COX7B2: variants seen among roughly 807,000 people sequenced by gnomAD.
COX7B2 encodes the protein cytochrome c oxidase subunit 7B2.
For synonymous variants in COX7B2, 37 were observed against 32.1 expected, an observed-to-expected ratio of 1.15 and a Z score of -0.51; for missense variants, 109 against 95.9, an observed-to-expected ratio of 1.14 and a Z score of -0.57.
chr4:46,782,827 A>G (rs1717554098), intron 2 of COX7B2, among the ~76,000 whole-genome samples: 1 of 152,214 alleles, frequency 6.6e-6, no homozygotes, highest in Non-Finnish European at 1.5e-5. Flanking sequence ...CAGCGAGACC[A>G]CGAACCCACC....
At chr4:46,799,612 A>G (rs1009578369) in intron 2 of COX7B2, among the ~76,000 whole-genome samples, 1 of 152,154 alleles carries the variant, frequency 6.6e-6, no homozygotes, top group Non-Finnish European at 1.5e-5. Context: ...TATGGAGATA[A>G]TTAGATGGTT....
intron 2 of COX7B2, 90 bp from the exon 3 acceptor site, chr4:46,735,331 G>A: frequency 6.4e-6 from 6 of 943,704 alleles, no homozygotes; most frequent in Non-Finnish European, 9.7e-6. Context: ...CCTTGGAGTG[G>A]TGTTCAGGAA....
intron 2 of COX7B2, among the ~76,000 whole-genome samples, chr4:46,806,192 C>T (rs1477674136): frequency 6.6e-6 from 1 of 151,796 alleles, no homozygotes; most frequent in East Asian, 1.9e-4. Flanking sequence ...AATCTTCTTC[C>T]TTTTATTAAT....
At chr4:46,862,436 G>T (rs1717391722) in intron 1 of COX7B2, among the ~76,000 whole-genome samples, 1 of 152,186 alleles carries the variant, frequency 6.6e-6, no homozygotes, top group South Asian at 2.1e-4. Context: ...CACATATTTA[G>T]ATATGTTTAT....
intron 2 of COX7B2, among the ~76,000 whole-genome samples, chr4:46,761,692 A>C (rs1716154014): frequency 6.6e-6 from 1 of 152,100 alleles, no homozygotes; most frequent in Admixed American, 6.6e-5. Context: ...TGCTCCAGGG[A>C]AATATAGATC....
chr4:46,799,552 G>C (rs1285138539), intron 2 of COX7B2, among the ~76,000 whole-genome samples: 2 of 152,116 alleles, frequency 1.3e-5, no homozygotes, highest in African/African-American at 4.8e-5. Context: ...TTTGTTGAGA[G>C]TTTATAATAT....
At chr4:46,805,466 C>T (rs923649451) in intron 2 of COX7B2, among the ~76,000 whole-genome samples, 3 of 152,222 alleles carry the variant, frequency 2.0e-5, no homozygotes, top group Admixed American at 6.5e-5. Flanking sequence ...CATCCATTAT[C>T]TTGTTTTATC....
intron 2 of COX7B2, among the ~76,000 whole-genome samples, chr4:46,843,727 G>C (rs28418541): frequency 0.37 from 56,861 of 151,822 alleles, 10,764 homozygotes; most frequent in South Asian, 0.49. Context: ...ATGGTTAAAT[G>C]AAGATAATAT....
chr4:46,742,118 C>A (rs1483164694), intron 2 of COX7B2, among the ~76,000 whole-genome samples: 1 of 151,954 alleles, frequency 6.6e-6, no homozygotes, highest in Non-Finnish European at 1.5e-5. Flanking sequence ...ATAGGGACCC[C>A]CTGGGAATAA....
intron 1 of COX7B2, among the ~76,000 whole-genome samples, chr4:46,903,322 G>A (rs566674854): frequency 6.6e-6 from 1 of 152,234 alleles, no homozygotes; most frequent in South Asian, 2.1e-4. Flanking sequence ...TTAATACTTG[G>A]AATGGGCATA....
At chr4:46,820,348 G>T (rs1714185960) in intron 2 of COX7B2, among the ~76,000 whole-genome samples, 1 of 152,096 alleles carries the variant, frequency 6.6e-6, no homozygotes, top group Non-Finnish European at 1.5e-5. Flanking sequence ...GACGGGAGGT[G>T]GAACTCAGGC....
intron 2 of COX7B2, among the ~76,000 whole-genome samples, chr4:46,798,771 C>A (rs888206305): frequency 1.3e-5 from 2 of 152,084 alleles, no homozygotes; most frequent in African/African-American, 2.4e-5. Context: ...TATCATCCAA[C>A]AGAAGTGATA....
intron 2 of COX7B2, among the ~76,000 whole-genome samples, chr4:46,789,103 G>C (rs1717901019): frequency 6.6e-6 from 1 of 152,132 alleles, no homozygotes; most frequent in Non-Finnish European, 1.5e-5. Flanking sequence ...TTGAGGTTTA[G>C]TTACGAAAAC....
intron 2 of COX7B2, among the ~76,000 whole-genome samples, chr4:46,808,463 G>A (rs545274768): frequency 5.3e-5 from 8 of 151,728 alleles, no homozygotes; most frequent in Admixed American, 2.6e-4. Context: ...ATTATATCAT[G>A]GGCAAATAGA....
At chr4:46,750,878 G>A (rs1214653557) in intron 2 of COX7B2, among the ~76,000 whole-genome samples, 1 of 152,034 alleles carries the variant, frequency 6.6e-6, no homozygotes, top group Non-Finnish European at 1.5e-5. Context: ...TTTCAGATTA[G>A]GGATGCACCC....
At chr4:46,905,528 T>G (rs1577721235) in intron 1 of COX7B2, among the ~76,000 whole-genome samples, 1 of 152,282 alleles carries the variant, frequency 6.6e-6, no homozygotes, top group East Asian at 1.9e-4. Flanking sequence ...ATACGATAAT[T>G]TTGACATTAA....
chr4:46,856,921 G>T (rs1181068801), intron 1 of COX7B2, among the ~76,000 whole-genome samples: 3 of 152,134 alleles, frequency 2.0e-5, no homozygotes, highest in Non-Finnish European at 4.4e-5. Flanking sequence ...TGGTGACTAG[G>T]AATAAAATAA....
intron 2 of COX7B2, among the ~76,000 whole-genome samples, chr4:46,772,571 ATT>A (rs1020019543): frequency 6.6e-6 from 1 of 152,114 alleles, no homozygotes; most frequent in African/African-American, 2.4e-5. Flanking sequence ...TATAATTTTT[ATT>A]TCTTATGTAT....
chr4:46,747,430 A>T (rs1389631255), intron 2 of COX7B2, among the ~76,000 whole-genome samples: 1 of 151,896 alleles, frequency 6.6e-6, no homozygotes, highest in Non-Finnish European at 1.5e-5. Flanking sequence ...CAGCCTCCTG[A>T]GTAGCTGGGA....
Sources: allele counts gnomAD v4.1 joint callset (sites outside exome capture counted in the v4.1 genomes callset), GRCh38; gene constraint gnomAD v4.1.1; transcripts MANE v1.5; gene names NCBI Gene and HGNC (gene_info 2026-07-23, HGNC 2026-07-21).